Variants in ABCA4 observed in about 807,000 individuals in gnomAD.
The protein encoded by ABCA4 is ATP binding cassette subfamily A member 4.
In ABCA4, 196 loss-of-function variants were observed where a neutral mutation model predicts 263.7. The ratio of observed to expected loss-of-function variants is 0.74; its 90% CI spans 0.66 to 0.84. The LOEUF (loss-of-function observed/expected upper bound fraction) is 0.84, where lower values mean the gene tolerates loss of function less well. Ranked by LOEUF, ABCA4 falls within the 40% of genes least tolerant of loss-of-function variation. ABCA4 has a pLI of 0.00. For missense variants in ABCA4, 2,792 were observed against 2,855.1 expected (o/e 0.98, Z 0.50); for synonymous variants, 1,133 against 1,094.2 (o/e 1.04, Z -0.70).
At chr1:94,085,539 T>C (rs954846677) in intron 6 of ABCA4, among the ~76,000 whole-genome samples, 3 of 152,220 alleles carry the variant, frequency 2.0e-5, no homozygotes, top group African/African-American at 7.2e-5. Context: ...CTGGCCTTCT[T>C]GCCAGTCCCC....
At chr1:93,998,664 G>A (rs554195617) in intron 47 of ABCA4, among the ~76,000 whole-genome samples, 1 of 151,072 alleles carries the variant, frequency 6.6e-6, no homozygotes, top group African/African-American at 2.4e-5. Context: ...TGGTAATGTG[G>A]GATAATCGTA....
At chr1:94,049,036 C>T in intron 17 of ABCA4, 79 bp from the exon 18 acceptor site, 1 of 1,433,836 alleles carries the variant, frequency 7.0e-7, no homozygotes, top group Non-Finnish European at 9.8e-7. Context: ...GGGAGAGGTA[C>T]AGGGAGCAAA....
chr1:94,014,172 T>C (rs1241821648), intron 38 of ABCA4, among the ~76,000 whole-genome samples: 1 of 150,310 alleles, frequency 6.7e-6, no homozygotes, highest in African/African-American at 2.5e-5. Flanking sequence ...AAAAAGGTGC[T>C]TATAGGAAGG....
intron 16 of ABCA4, 74 bp from the exon 17 acceptor site, chr1:94,051,772 T>A: frequency 8.6e-7 from 1 of 1,162,550 alleles, no homozygotes; most frequent in Non-Finnish European, 1.3e-6. Context: ...TTCTATAAGA[T>A]CTAGAGTTTA....
chr1:94,017,072 T>G (rs1318758371), intron 36 of ABCA4, among the ~76,000 whole-genome samples: 1 of 152,172 alleles, frequency 6.6e-6, no homozygotes, highest in Non-Finnish European at 1.5e-5. Flanking sequence ...TGGATCATAG[T>G]CCATTGATTA....
chr1:94,081,054 C>T (rs1302002811), intron 7 of ABCA4, among the ~76,000 whole-genome samples: 1 of 152,066 alleles, frequency 6.6e-6, no homozygotes, highest in Non-Finnish European at 1.5e-5. Context: ...GAAACCCCGT[C>T]TCTATTAAAA....
intron 30 of ABCA4, among the ~76,000 whole-genome samples, chr1:94,027,632 G>A (rs564226650): frequency 3.3e-5 from 5 of 152,250 alleles, no homozygotes; most frequent in East Asian, 3.9e-4. Flanking sequence ...AGCAGGGATC[G>A]GGTGTTCTTG....
At chr1:93,995,875 T>C (rs917250840) in intron 49 of ABCA4, among the ~76,000 whole-genome samples, 5 of 152,330 alleles carry the variant, frequency 3.3e-5, no homozygotes, top group African/African-American at 4.8e-5. Context: ...CTGATTACAA[T>C]AGGAACCCCT....
intron 6 of ABCA4, among the ~76,000 whole-genome samples, chr1:94,088,875 C>T (rs963853659): frequency 3.3e-5 from 5 of 152,254 alleles, no homozygotes; most frequent in African/African-American, 1.2e-4. Flanking sequence ...GGAACAGCCA[C>T]ACTCATGTCT....
At chr1:94,024,115 G>A (rs867541815) in intron 31 of ABCA4, among the ~76,000 whole-genome samples, 12 of 152,152 alleles carry the variant, frequency 7.9e-5, no homozygotes, top group Admixed American at 1.3e-4. Context: ...TTCACCATTT[G>A]CAGTGTGTTC....
chr1:94,053,625 C>T lies in ABCA4; in HGVS notation c.2587+1486G>A, dbSNP rs192493920. Among the ~76,000 whole-genome samples the T allele has an allele frequency of 3.4e-3, 511 of 152,306 alleles. 1 individual carries two copies. The highest frequency in any genetic ancestry group is 5.1e-3 in the Non-Finnish European group (349 of 68,026). On this transcript the variant is annotated intron_variant, in intron 16 of 49. Transcript: ENST00000370225. ...AGACAGGCAGAATGCCATGTGCAGACGAAGGATCAGCAGGAAGCATCTACA... is the reference window on the plus strand; with the variant it reads ...AGACAGGCAGAATGCCATGTGCAGATGAAGGATCAGCAGGAAGCATCTACA...
chr1:94,059,773 T>C lies in ABCA4; in HGVS notation c.2160+764A>G, dbSNP rs1373493552. On this transcript the variant is annotated intron_variant, in intron 14 of 49. Coordinates refer to ENST00000370225, the MANE Select transcript of ABCA4 (RefSeq NM_000350.3). The stretch of plus-strand genomic sequence containing the variant: ...ACCCAATAAAATATAAAAAATGACC[T>C]AAATTTATATCCTTATCATTTAACA... 2.0e-5 allele frequency: 3 copies of C among 152,376 alleles called. No homozygotes were observed. In the East Asian group the frequency reaches 5.8e-4, roughly 29 times the overall value. 9.4% of individuals were successfully genotyped at this position (152,376 alleles called of 1,614,324 possible). A position where few individuals can be genotyped will look rare whatever the true frequency, so the allele number is the denominator to read the frequency against.
intron 44 of ABCA4, among the ~76,000 whole-genome samples, chr1:94,002,551 A>G (rs549634805): frequency 6.6e-6 from 1 of 152,332 alleles, no homozygotes; most frequent in Admixed American, 6.5e-5. Flanking sequence ...CAGTGCTGTG[A>G]GGGAACGATG....
chr1:94,055,400 G>C, intron 15 of ABCA4, 85 bp from the exon 16 acceptor site: 1 of 1,385,862 alleles, frequency 7.2e-7, no homozygotes, highest in South Asian at 1.2e-5. Flanking sequence ...AGGTAGAGGG[G>C]AGGGCCAAAA....
chr1:94,062,574 C>T lies in ABCA4; in HGVS notation c.1937+3G>A, dbSNP rs770529608. 4 of 1,608,220 alleles carry T rather than the reference C, an allele frequency of 2.5e-6. No individual in the cohort carries two copies. The Admixed American group carries it at 6.7e-5, about 27-fold the overall frequency. On this transcript the variant is annotated splice_donor_region_variant and intron_variant, in intron 13 of 49. Coordinates refer to ENST00000370225, the MANE Select transcript of ABCA4 (RefSeq NM_000350.3). ...GGAGGAGGATCGCGAACTTCAGACT[C>T]ACGAATCGTCCACGAAGCAGGGGTA... is the stretch of plus-strand genomic sequence containing the variant.
intron 43 of ABCA4, among the ~76,000 whole-genome samples, chr1:94,006,990 T>C (rs965424468): frequency 1.3e-5 from 2 of 152,234 alleles, no homozygotes; most frequent in Non-Finnish European, 2.9e-5. Flanking sequence ...TTTAAACACA[T>C]TTTATTACAG....
chr1:94,083,284 T>C lies in ABCA4; in HGVS notation c.858+68A>G, dbSNP rs981563673. The C allele has an allele frequency of 3.1e-6, 4 of 1,288,484 alleles. 1 individual carries two copies. In the Middle Eastern group the frequency reaches 5.5e-4, roughly 177 times the overall value. 79.8% of individuals were successfully genotyped at this position (1,288,484 alleles called of 1,614,324 possible). A position where few individuals can be genotyped will look rare whatever the true frequency, so the allele number is the denominator to read the frequency against. On this transcript the variant is annotated intron_variant, in intron 7 of 49. Transcript: ENST00000370225. The stretch of plus-strand genomic sequence containing the variant: ...CAGGTTTGAAATACAATTAAATTAT[T>C]TGACATAAGTGGGGTAAATGGTGGA...
rs747463778 is a variant in ABCA4, at chr1:94,043,431, C to A, written c.3095G>T (p.Gly1032Val). ...EHMLFYAQLK[G>V]KSQEEAQLEM... Reference sequence around the variant, plus strand: ...CAGCTGGGCCTCCTCCTGGGACTTTCCTTTCAGCTGGGCATAGAACAGCAT... The same window carrying A: ...CAGCTGGGCCTCCTCCTGGGACTTTACTTTCAGCTGGGCATAGAACAGCAT... Residue 1032 changes from glycine (G) to valine (V), a missense_variant, in exon 21 of 50, where the codon GGA (glycine) becomes GTA (valine). Coordinates refer to ENST00000370225, the MANE Select transcript of ABCA4 (RefSeq NM_000350.3). 6.2e-7 allele frequency: 1 copy of A among 1,614,188 alleles called. No individual in the cohort carries two copies. The highest frequency in any genetic ancestry group is 1.1e-5 in the South Asian group (1 of 91,076).
rs3215952 is a variant in ABCA4 at position 94,078,770 on chromosome 1, GT to G, written c.1240-65del. 0.47 allele frequency: 544,705 copies of G among 1,170,970 alleles called. 130,331 individuals are homozygous for G. Among genetic ancestry groups the G allele is most frequent in the East Asian group, 0.58 (24,783 of 42,790 alleles). 72.5% of individuals were successfully genotyped at this position (1,170,970 alleles called of 1,614,324 possible). ...AGAGAAAAGTGAGAGAGAACTTTTG[GT>G]TGTGTCTTTTCTGCCCCTATCACTT... On this transcript the variant is annotated intron_variant, in intron 9 of 49. Transcript: ENST00000370225.
Sources: allele counts gnomAD v4.1 joint callset (sites outside exome capture counted in the v4.1 genomes callset), GRCh38; gene constraint gnomAD v4.1.1; transcripts MANE v1.5; gene names NCBI Gene and HGNC (gene_info 2026-07-23, HGNC 2026-07-21).